The following NRXN3 variants were observed in gnomAD, a reference collection of about 807,000 sequenced individuals.
The protein encoded by NRXN3 is neurexin III.
Under a neutral mutation model 137.6 loss-of-function variants are expected in NRXN3, and 32 were observed. That is an observed-to-expected ratio of 0.23 (90% CI 0.18 to 0.31). NRXN3 has a LOEUF of 0.31. Ranked by LOEUF, NRXN3 falls within the 10% of genes least tolerant of loss-of-function variation. The pLI, the probability that NRXN3 is intolerant of heterozygous loss-of-function variation, is 1.00. For missense variants in NRXN3, 1,574 were observed against 2,062.5 expected, an observed-to-expected ratio of 0.76 and a Z score of 4.59; for synonymous variants, 798 against 784.5, an observed-to-expected ratio of 1.02 and a Z score of -0.29.
chr14:78,547,548 A>G (rs2096648393), intron 4 of NRXN3, among the ~76,000 whole-genome samples: 1 of 152,096 alleles, frequency 6.6e-6, no homozygotes, highest in Non-Finnish European at 1.5e-5. Context: ...GTTGTATTAA[A>G]TCAATATGTT....
chr14:79,708,581 G>A (rs17836292), intron 19 of NRXN3, among the ~76,000 whole-genome samples: 1,894 of 152,060 alleles, frequency 0.012, 13 homozygotes, highest in Non-Finnish European at 0.017. Flanking sequence ...CACTTGCCAG[G>A]CATCAAGGCG....
intron 15 of NRXN3, among the ~76,000 whole-genome samples, chr14:79,171,993 A>G (rs1020482441): frequency 2.6e-5 from 4 of 152,154 alleles, no homozygotes; most frequent in Admixed American, 6.5e-5. Context: ...CAGTACTAAA[A>G]TTAAAAGCAA....
intron 4 of NRXN3, among the ~76,000 whole-genome samples, chr14:78,401,353 C>T (rs1308119456): frequency 6.6e-5 from 10 of 152,138 alleles, no homozygotes; most frequent in Non-Finnish European, 1.3e-4. Flanking sequence ...TTAGTAGAGA[C>T]ATGGTTTTGC....
At chr14:78,660,459 T>C (rs1602041734) in intron 6 of NRXN3, among the ~76,000 whole-genome samples, 1 of 152,204 alleles carries the variant, frequency 6.6e-6, no homozygotes, top group East Asian at 1.9e-4. Context: ...TCATGGTTTC[T>C]TTCTTCATAG....
chr14:79,235,030 TA>T (rs138426522), intron 15 of NRXN3, among the ~76,000 whole-genome samples: 2,944 of 152,274 alleles, frequency 0.019, 89 homozygotes, highest in African/African-American at 0.066. Context: ...AAAACATTGA[TA>T]TTTTTTTGAA....
At chr14:78,222,335 C>G (rs1184709593) in intron 1 of NRXN3, among the ~76,000 whole-genome samples, 1 of 103,366 alleles carries the variant, frequency 9.7e-6, no homozygotes, top group Non-Finnish European at 2.0e-5. Flanking sequence ...CACACACATA[C>G]ACACACACAC....
chr14:78,390,322 G>T (rs528172906), intron 4 of NRXN3, among the ~76,000 whole-genome samples: 1 of 152,274 alleles, frequency 6.6e-6, no homozygotes, highest in Admixed American at 6.5e-5. Context: ...TGTGTCATTT[G>T]CAGTACAGTG....
intron 15 of NRXN3, among the ~76,000 whole-genome samples, chr14:79,256,191 TCA>T (rs796426390): frequency 1.3e-5 from 2 of 150,302 alleles, no homozygotes; most frequent in South Asian, 4.2e-4. Context: ...TCTCTCTCTC[TCA>T]CACACACACA....
intron 9 of NRXN3, 130 bp downstream of exon 9, chr14:78,803,953 C>A: frequency 1.1e-6 from 1 of 871,718 alleles, no homozygotes; most frequent in South Asian, 1.4e-5. Flanking sequence ...TTTAACAGAC[C>A]CAGGATAAAA....
At chr14:79,541,183 G>C (rs1283713128) in intron 16 of NRXN3, among the ~76,000 whole-genome samples, 1 of 152,148 alleles carries the variant, frequency 6.6e-6, no homozygotes, top group Non-Finnish European at 1.5e-5. Flanking sequence ...GGCCAAGGCA[G>C]GCAGACCACC....
intron 2 of NRXN3, among the ~76,000 whole-genome samples, chr14:78,274,762 G>A (rs371269973): frequency 7.9e-5 from 12 of 152,318 alleles, no homozygotes; most frequent in East Asian, 1.9e-4. Flanking sequence ...GGTGAAAGAC[G>A]GAAGTGGGTT....
chr14:79,818,350 G>A (rs2099259482), intron 20 of NRXN3, among the ~76,000 whole-genome samples: 1 of 152,146 alleles, frequency 6.6e-6, no homozygotes, highest in South Asian at 2.1e-4. Flanking sequence ...ACCGCGCCCG[G>A]CCGCACTTGG....
chr14:79,736,061 C>G (rs1395942142), intron 19 of NRXN3, among the ~76,000 whole-genome samples: 1 of 152,172 alleles, frequency 6.6e-6, no homozygotes, highest in Non-Finnish European at 1.5e-5. Context: ...GATGGCATCA[C>G]CACTTACATT....
rs77599883 is a variant in NRXN3 at position 78,482,861 on chromosome 14, C to T, written c.758-162259C>T. Among the ~76,000 whole-genome samples, 817 of 152,168 alleles carry T rather than the reference C, an allele frequency of 5.4e-3. 5 individuals carry two copies. Among genetic ancestry groups the T allele is most frequent in the African/African-American group, 0.018 (733 of 41,520 alleles). ...TCACTCCTTTTAATGTTGTTTCTCA[C>T]GCTTTGCATTGGTTACTAGTCAATC... On this transcript the variant is annotated intron_variant, in intron 4 of 20. Transcript: ENST00000335750.
At chr14:78,445,501 G>A (rs1011927389) in intron 4 of NRXN3, among the ~76,000 whole-genome samples, 2 of 152,182 alleles carry the variant, frequency 1.3e-5, no homozygotes, top group African/African-American at 2.4e-5. Context: ...GAGCTTTGGT[G>A]GCTGTCTCTG....
At chr14:78,410,868 A>T (rs2092785060) in intron 4 of NRXN3, among the ~76,000 whole-genome samples, 1 of 152,210 alleles carries the variant, frequency 6.6e-6, no homozygotes, top group Non-Finnish European at 1.5e-5. Context: ...GTTATTAGAC[A>T]GGGAGTCAGG....
At position 78,968,345 on chromosome 14, in the gene NRXN3, A is replaced by G; in HGVS notation, c.3141A>G (p.Glu1047=). The G allele has an allele frequency of 6.2e-7, 1 of 1,612,626 alleles. No individual in the cohort carries two copies. Among genetic ancestry groups the G allele is most frequent in the East Asian group, 2.2e-5 (1 of 44,842 alleles). Residue 1047 remains glutamate (E), a splice_region_variant and synonymous_variant, in exon 14 of 21, where the codon GAA becomes GAG. Coordinates refer to ENST00000335750, the MANE Select transcript of NRXN3 (RefSeq NM_001330195.2). ...GCGGACAGATCGAGCGTGGCTGTGA[A>G]GGTACAACCTATTTTTTTCTTGTTA... is the stretch of plus-strand genomic sequence containing the variant. The part of the protein sequence containing the change: ...HRSGQIERGC[E]GPSTTCQEDS...
chr14:79,235,392 A>G (rs1220620450), intron 15 of NRXN3, among the ~76,000 whole-genome samples: 1 of 152,146 alleles, frequency 6.6e-6, no homozygotes, highest in Non-Finnish European at 1.5e-5. Flanking sequence ...AATGACTATT[A>G]CTTCCCTCCA....
At chr14:78,192,064 AAGTG>A (rs1413494500) in intron 1 of NRXN3, among the ~76,000 whole-genome samples, 3 of 85,270 alleles carry the variant, frequency 3.5e-5, no homozygotes, top group African/African-American at 1.4e-4. Flanking sequence ...GGCTGCCCGA[AAGTG>A]TGTGTGTGTG....
Sources: allele counts gnomAD v4.1 joint callset (sites outside exome capture counted in the v4.1 genomes callset), GRCh38; gene constraint gnomAD v4.1.1; transcripts MANE v1.5; gene names NCBI Gene and HGNC (gene_info 2026-07-23, HGNC 2026-07-21).